The following DAB1 variants were observed in gnomAD, a reference collection of about 807,000 sequenced individuals.
DAB1 encodes disabled homolog 1.
In DAB1, 15 loss-of-function variants were observed where a neutral mutation model predicts 64.6. The observed-to-expected ratio is 0.23, with a 90% CI of 0.16 to 0.36. DAB1 has a LOEUF of 0.36. Among genes scored for constraint, DAB1 ranks in the 10% least tolerant of loss-of-function variants. DAB1 has a pLI of 1.00. For missense variants in DAB1, 596 were observed against 706.7 expected, an observed-to-expected ratio of 0.84 and a Z score of 1.78; for synonymous variants, 235 against 251.9, an observed-to-expected ratio of 0.93 and a Z score of 0.64.
chr1:57,930,524 C>A (rs1278672521), intron 5 of DAB1, among the ~76,000 whole-genome samples: 1 of 152,144 alleles, frequency 6.6e-6, no homozygotes, highest in Non-Finnish European at 1.5e-5. Context: ...TGAAGTATCT[C>A]TTCATTTATT....
chr1:57,052,184 G>A (rs990652179), intron 9 of DAB1, among the ~76,000 whole-genome samples: 1 of 152,086 alleles, frequency 6.6e-6, no homozygotes, highest in African/African-American at 2.4e-5. Flanking sequence ...GCTGTCCACA[G>A]CATACAGCAG....
chr1:57,906,103 C>G (rs1319807279), intron 5 of DAB1, among the ~76,000 whole-genome samples: 2 of 152,140 alleles, frequency 1.3e-5, no homozygotes, highest in Non-Finnish European at 2.9e-5. Context: ...TAGTGAGAAA[C>G]TTCTGGAAAG....
At chr1:58,500,937 C>A (rs1422910841) in intron 3 of DAB1, among the ~76,000 whole-genome samples, 1 of 152,128 alleles carries the variant, frequency 6.6e-6, no homozygotes, top group Non-Finnish European at 1.5e-5. Context: ...CTTTCAACGA[C>A]AAATTATAAT....
intron 2 of DAB1, among the ~76,000 whole-genome samples, chr1:58,507,711 G>T (rs1034922123): frequency 6.6e-6 from 1 of 152,000 alleles, no homozygotes; most frequent in African/African-American, 2.4e-5. Flanking sequence ...TGTAAAATAT[G>T]TATGTAACAT....
At chr1:58,372,996 A>G (rs1644281346) in intron 3 of DAB1, among the ~76,000 whole-genome samples, 1 of 152,166 alleles carries the variant, frequency 6.6e-6, no homozygotes, top group Admixed American at 6.5e-5. Flanking sequence ...CACAAGAAAA[A>G]AACCTGAAAG....
At chr1:57,724,768 G>A (rs1297799346) in intron 6 of DAB1, among the ~76,000 whole-genome samples, 1 of 152,178 alleles carries the variant, frequency 6.6e-6, no homozygotes, top group East Asian at 1.9e-4. Context: ...AAGAAGGGGA[G>A]CAGCTCTACC....
intron 3 of DAB1, among the ~76,000 whole-genome samples, chr1:58,457,709 T>TGA (rs924751264): frequency 6.6e-6 from 1 of 152,116 alleles, no homozygotes; most frequent in African/African-American, 2.4e-5. Context: ...GGAGTGGGGG[T>TGA]GAGGGCTTCC....
intron 3 of DAB1, among the ~76,000 whole-genome samples, chr1:58,369,822 G>C (rs1644248612): frequency 6.6e-6 from 1 of 152,182 alleles, no homozygotes; most frequent in South Asian, 2.1e-4. Context: ...TGGAATTAGA[G>C]AATCTTCTTG....
At chr1:57,443,607 T>C (rs1686031330) in intron 7 of DAB1, among the ~76,000 whole-genome samples, 1 of 152,234 alleles carries the variant, frequency 6.6e-6, no homozygotes, top group Non-Finnish European at 1.5e-5. Flanking sequence ...TCTGTATCAC[T>C]TAGTTATTAT....
chr1:57,793,832 A>C (rs1569705606), intron 6 of DAB1, among the ~76,000 whole-genome samples: 2 of 152,326 alleles, frequency 1.3e-5, no homozygotes, highest in African/African-American at 4.8e-5. Context: ...ACTCAACCTC[A>C]CAAAGAGGCA....
At chr1:57,426,167 G>A (rs551353403), upstream of DAB1, among the ~76,000 whole-genome samples, 26 of 152,214 alleles carry the variant, frequency 1.7e-4, no homozygotes, top group African/African-American at 5.3e-4. Flanking sequence ...AAAACCTGCC[G>A]CCTTCACCCA....
chr1:57,392,371 AAAC>A (rs1012446851), intron 1 of DAB1, among the ~76,000 whole-genome samples: 20 of 152,156 alleles, frequency 1.3e-4, no homozygotes, highest in African/African-American at 3.6e-4. Flanking sequence ...GACTGTCTCA[AAAC>A]AACAACAACA....
intron 4 of DAB1, among the ~76,000 whole-genome samples, chr1:58,155,692 A>G (rs1306206492): frequency 1.3e-5 from 2 of 152,254 alleles, no homozygotes; most frequent in Non-Finnish European, 2.9e-5. Flanking sequence ...CAGAGCAAGC[A>G]ATGACATGAC....
intron 7 of DAB1, among the ~76,000 whole-genome samples, chr1:57,466,291 C>A (rs1686951908): frequency 2.0e-5 from 3 of 152,174 alleles, no homozygotes; most frequent in Admixed American, 1.3e-4. Flanking sequence ...AAATAGGACT[C>A]ATTTTCTCAA....
chr1:57,637,707 G>A (rs1187264567), intron 7 of DAB1, among the ~76,000 whole-genome samples: 1 of 152,172 alleles, frequency 6.6e-6, no homozygotes, highest in Non-Finnish European at 1.5e-5. Flanking sequence ...GAGGTAGAAT[G>A]TAAGAGGGCA....
At chr1:58,093,652 G>T (rs898535408) in intron 5 of DAB1, among the ~76,000 whole-genome samples, 2 of 151,460 alleles carry the variant, frequency 1.3e-5, no homozygotes, top group East Asian at 1.9e-4. Context: ...TGCCAAAAAG[G>T]TTGGGGACCA....
chr1:58,374,460 T>G (rs576704321), intron 3 of DAB1, among the ~76,000 whole-genome samples: 42 of 151,690 alleles, frequency 2.8e-4, no homozygotes, highest in South Asian at 2.7e-3. Context: ...TGCTTGTTTT[T>G]CTCAGGTTTG....
intron 5 of DAB1, among the ~76,000 whole-genome samples, chr1:58,015,272 T>C (rs1470665846): frequency 6.6e-6 from 1 of 152,184 alleles, no homozygotes. Context: ...GCATCCCTCA[T>C]GGTTTACATC....
At chr1:57,210,121 A>G (rs1470499007) in intron 2 of DAB1, among the ~76,000 whole-genome samples, 1 of 152,226 alleles carries the variant, frequency 6.6e-6, no homozygotes. Flanking sequence ...AAAAATGTCT[A>G]AAACGGTGCT....
Sources: allele counts gnomAD v4.1 joint callset (sites outside exome capture counted in the v4.1 genomes callset), GRCh38; gene constraint gnomAD v4.1.1; transcripts MANE v1.5; gene names NCBI Gene and HGNC (gene_info 2026-07-23, HGNC 2026-07-21).